PLSCR2: variants seen among roughly 807,000 people sequenced by gnomAD.
PLSCR2 encodes the protein phospholipid scramblase 2.
A neutral mutation model predicts 25.3 loss-of-function variants in PLSCR2; 18 were observed. That is an observed-to-expected ratio of 0.71 (90% CI 0.49 to 1.06). The LOEUF is 1.06. Ranked by LOEUF, PLSCR2 falls within the 50% of genes least tolerant of loss-of-function variation. The pLI is 0.00. For synonymous variants in PLSCR2, 88 were observed against 87.3 expected (o/e 1.01, Z -0.04); for missense variants, 243 against 269.5 (o/e 0.90, Z 0.69).
intron 3 of PLSCR2, among the ~76,000 whole-genome samples, chr3:146,394,416 T>C (rs1225919081): frequency 6.6e-6 from 1 of 151,976 alleles, no homozygotes. Context: ...TACAGGCATG[T>C]GTCACCTGCT....
chr3:146,403,679 CTT>C (rs1399537854), intron 2 of PLSCR2, among the ~76,000 whole-genome samples: 1 of 151,892 alleles, frequency 6.6e-6, no homozygotes, highest in African/African-American at 2.4e-5. Context: ...TAAGTATTGT[CTT>C]AGTTTTTTTT....
chr3:146,415,488 GATA>G (rs1209780612), intron 2 of PLSCR2, among the ~76,000 whole-genome samples: 4 of 151,844 alleles, frequency 2.6e-5, no homozygotes, highest in Admixed American at 1.3e-4. Context: ...TTGAAATTCA[GATA>G]ATATCTATAC....
rs1192122357 is a variant in PLSCR2, at chr3:146,469,525, G to T, written c.-292-9241C>A. 4 of 985,264 alleles carry T rather than the reference G, an allele frequency of 4.1e-6. No individual in the cohort carries two copies. The African/African-American group carries it at 7.0e-5, about 17-fold the overall frequency. 61.0% of individuals were successfully genotyped at this position (985,264 alleles called of 1,614,324 possible). On this transcript the variant is annotated intron_variant, in intron 1 of 8. Transcript: ENST00000336685. ...GCTGCAGCTGCTCCCGCACAGCCCT[G>T]AGCGAGCCGAGGTCCTAGCGTGGCT...
chr3:146,476,270 C>T (rs1226496602), intron 1 of PLSCR2, among the ~76,000 whole-genome samples: 2 of 152,158 alleles, frequency 1.3e-5, no homozygotes, highest in Admixed American at 1.3e-4. Flanking sequence ...TGTGGTGCAT[C>T]GCCTCACCTG....
chr3:146,458,349 T>A (rs960895105), intron 3 of PLSCR2, 62 bp downstream of exon 3: 3 of 1,345,548 alleles, frequency 2.2e-6, no homozygotes, highest in African/African-American at 3.0e-5. Context: ...GTTTTTGATG[T>A]ATCTTTATTT....
At chr3:146,482,496 C>T (rs1204014588) in intron 1 of PLSCR2, among the ~76,000 whole-genome samples, 3 of 152,166 alleles carry the variant, frequency 2.0e-5, no homozygotes, top group Admixed American at 6.5e-5. Context: ...CACTGGTCAT[C>T]AGAGAAATGC....
chr3:146,394,681 A>G (rs1274672750), intron 3 of PLSCR2, among the ~76,000 whole-genome samples: 17 of 152,254 alleles, frequency 1.1e-4, no homozygotes, highest in Non-Finnish European at 1.2e-4. Context: ...GTTTTATTCT[A>G]TATCATTGTG....
At chr3:146,491,459 C>G (rs1576756296) in intron 1 of PLSCR2, among the ~76,000 whole-genome samples, 1 of 152,032 alleles carries the variant, frequency 6.6e-6, no homozygotes, top group African/African-American at 2.4e-5. Context: ...TTTCCAAGTG[C>G]TTGCTCTTTC....
At chr3:146,421,575 G>A (rs74787409) in intron 2 of PLSCR2, among the ~76,000 whole-genome samples, 6,238 of 152,168 alleles carry the variant, frequency 0.041, 178 homozygotes, top group Admixed American at 0.088. Context: ...AAGTTGAAAC[G>A]GTTTGGTCCT....
intron 4 of PLSCR2, among the ~76,000 whole-genome samples, chr3:146,454,740 A>G (rs1250548486): frequency 6.6e-6 from 1 of 152,194 alleles, no homozygotes; most frequent in Non-Finnish European, 1.5e-5. Context: ...TGACATAGAT[A>G]TGTACGTTTT....
intron 2 of PLSCR2, among the ~76,000 whole-genome samples, chr3:146,402,370 T>C (rs188103914): frequency 1.1e-4 from 17 of 152,296 alleles, no homozygotes; most frequent in African/African-American, 4.1e-4. Context: ...AATGTATCAG[T>C]AGTTGTGCAT....
At chr3:146,460,657 T>G (rs961025296), upstream of PLSCR2, among the ~76,000 whole-genome samples, 2 of 152,180 alleles carry the variant, frequency 1.3e-5, no homozygotes, top group African/African-American at 4.8e-5. Context: ...ACTGATATTG[T>G]CAGCTGGTTG....
In PLSCR2 at chr3:146,474,376, C is replaced by T. The variant is rs76440779; in HGVS notation, c.-292-14092G>A. Among the ~76,000 whole-genome samples the T allele has an allele frequency of 2.9e-3, 440 of 152,182 alleles. 5 individuals are homozygous for T. Among genetic ancestry groups the T allele is most frequent in the African/African-American group, 0.01 (427 of 41,522 alleles). ...CTTTATGGGAAACAGTAGCAGAAGACGATTTCACTTTGCATCATGGTTCTA... is the reference window on the plus strand; with the variant it reads ...CTTTATGGGAAACAGTAGCAGAAGATGATTTCACTTTGCATCATGGTTCTA... On this transcript the variant is annotated intron_variant, in intron 1 of 8. Coordinates refer to the PLSCR2 transcript ENST00000336685.
intron 1 of PLSCR2, chr3:146,494,715 T>C (rs1185167176): frequency 6.6e-6 from 1 of 152,212 alleles, no homozygotes; most frequent in East Asian, 1.9e-4. Context: ...CTTCAAAGAA[T>C]AGTAATAATC....
At chr3:146,458,591 T>C in intron 2 of PLSCR2, 138 bp from the exon 3 acceptor site, 1 of 546,068 alleles carries the variant, frequency 1.8e-6, no homozygotes, top group Non-Finnish European at 2.8e-6. Context: ...GTTTGCTACC[T>C]TTTATTGTAA....
intron 2 of PLSCR2, among the ~76,000 whole-genome samples, chr3:146,423,834 G>T (rs1008063525): frequency 3.9e-5 from 6 of 152,056 alleles, no homozygotes; most frequent in Admixed American, 1.3e-4. Flanking sequence ...GTCTCTAAAA[G>T]TTGAAAAGAT....
At chr3:146,393,740 C>A (rs1005115273) in intron 3 of PLSCR2, among the ~76,000 whole-genome samples, 2 of 143,320 alleles carry the variant, frequency 1.4e-5, no homozygotes, top group Non-Finnish European at 3.0e-5. Context: ...ACCCGGGAGG[C>A]AGAGGTTGCA....
upstream of PLSCR2, among the ~76,000 whole-genome samples, chr3:146,462,774 C>T (rs1486040244): frequency 6.6e-6 from 1 of 152,026 alleles, no homozygotes; most frequent in African/African-American, 2.4e-5. Flanking sequence ...CGATGGTGAA[C>T]ACTTTCCAAA....
intron 5 of PLSCR2, among the ~76,000 whole-genome samples, chr3:146,452,594 T>C (rs1392823681): frequency 1.3e-5 from 2 of 152,202 alleles, no homozygotes; most frequent in Non-Finnish European, 2.9e-5. Flanking sequence ...TCCTGCATTC[T>C]CTAATCGTAT....
Sources: allele counts gnomAD v4.1 joint callset (sites outside exome capture counted in the v4.1 genomes callset), GRCh38; gene constraint gnomAD v4.1.1; transcripts MANE v1.5; gene names NCBI Gene and HGNC (gene_info 2026-07-23, HGNC 2026-07-21).